The following ME2 variants were observed in gnomAD, a reference collection of about 807,000 sequenced individuals.
The protein encoded by ME2 is malic enzyme 2.
Under a neutral mutation model 73.7 loss-of-function variants are expected in ME2, and 60 were observed. The ratio of observed to expected loss-of-function variants is 0.81; its 90% CI spans 0.66 to 1.01. ME2 has a LOEUF of 1.01. Among genes scored for constraint, ME2 ranks in the 50% least tolerant of loss-of-function variants. ME2 has a pLI of 0.00. For missense variants in ME2, 594 were observed against 705.5 expected (o/e 0.84, Z 1.79); for synonymous variants, 199 against 236.9 (o/e 0.84, Z 1.47).
chr18:50,947,251 T>C lies in ME2; in HGVS notation c.*67T>C. On this transcript the variant is annotated 3_prime_UTR_variant, in exon 16 of 16. Transcript: ENST00000321341. ...CCTTTTTTCAGACAAGAAGAGATAA[T>C]GTCTTCAGTTTTATGGTGTTTTCTG... 6.7e-7 allele frequency: 1 copy of C among 1,486,414 alleles called. No individual in the cohort carries two copies. The highest frequency in any genetic ancestry group is 9.2e-7 in the Non-Finnish European group (1 of 1,089,510). The allele number at this position is 1,486,414 out of a possible 1,614,324, so 92.1% of individuals were successfully genotyped here. A position where few individuals can be genotyped will look rare whatever the true frequency, so the allele number is the denominator to read the frequency against.
At chr18:50,902,046 A>G (rs1000550532) in intron 2 of ME2, among the ~76,000 whole-genome samples, 4 of 152,234 alleles carry the variant, frequency 2.6e-5, no homozygotes, top group African/African-American at 9.6e-5. Context: ...AAATTCAAAT[A>G]TCCTAATGGA....
chr18:50,891,326 A>G lies in ME2; in HGVS notation c.-12-4483A>G, dbSNP rs149346736. On this transcript the variant is annotated intron_variant, in intron 1 of 15. Coordinates refer to ENST00000321341, the MANE Select transcript of ME2 (RefSeq NM_002396.5). ...GGTTAATCTGAACTACCAGACTACAAGGTGGAGTGGCCTTCTTTATAAATC... is the reference window on the plus strand; with the variant it reads ...GGTTAATCTGAACTACCAGACTACAGGGTGGAGTGGCCTTCTTTATAAATC... Among the ~76,000 whole-genome samples, 22 of 152,302 alleles carry G rather than the reference A, an allele frequency of 1.4e-4. No homozygotes were observed. In the East Asian group the frequency reaches 4.2e-3, roughly 29 times the overall value.
In ME2 at chr18:50,940,133, T is replaced by G. The variant is rs1485026481; in HGVS notation, c.1489-155T>G. On this transcript the variant is annotated intron_variant, in intron 14 of 15. Transcript: ENST00000321341. Reference sequence around the variant, plus strand: ...TATTTATTGTTTAGTGATGAACAGTTTTAATTTCTGCAGTGGTTTAAGTGT... The same window carrying G: ...TATTTATTGTTTAGTGATGAACAGTGTTAATTTCTGCAGTGGTTTAAGTGT... 4.8e-6 allele frequency: 3 copies of G among 621,706 alleles called. No individual in the cohort carries two copies. In the African/African-American group the frequency reaches 5.6e-5, roughly 12 times the overall value. The allele number at this position is 621,706 out of a possible 1,614,324, so 38.5% of individuals were successfully genotyped here. A position where few individuals can be genotyped will look rare whatever the true frequency, so the allele number is the denominator to read the frequency against.
In ME2 at chr18:50,949,645, C is replaced by T. The variant is rs911125783; in HGVS notation, c.*2461C>T. On this transcript the variant is annotated 3_prime_UTR_variant, in exon 16 of 16. Transcript: ENST00000321341. Reference sequence around the variant, plus strand: ...GCTTAGTGTTTATTGAAGGCAGGAACGTATGCTGAATTAAAGTAATTTTAC... The same window carrying T: ...GCTTAGTGTTTATTGAAGGCAGGAATGTATGCTGAATTAAAGTAATTTTAC... The T allele has an allele frequency of 2.6e-5, 4 of 152,014 alleles. No homozygotes were observed. Among genetic ancestry groups the T allele is most frequent in the Non-Finnish European group, 2.9e-5 (2 of 68,022 alleles). 9.4% of individuals were successfully genotyped at this position (152,014 alleles called of 1,614,324 possible).
chr18:50,920,838 G>C, intron 9 of ME2, 80 bp downstream of exon 9: 1 of 1,111,554 alleles, frequency 9.0e-7, no homozygotes, highest in Non-Finnish European at 1.3e-6. Context: ...TGATGTTTAT[G>C]AAAGAGCATA....
chr18:50,893,275 A>G (rs1007668591), intron 1 of ME2, among the ~76,000 whole-genome samples: 22 of 152,168 alleles, frequency 1.4e-4, no homozygotes, highest in Non-Finnish European at 2.9e-4. Flanking sequence ...AAGCATCAAG[A>G]TGGTAGCATA....
intron 7 of ME2, among the ~76,000 whole-genome samples, chr18:50,918,439 G>T (rs1048932248): frequency 2.6e-5 from 4 of 152,150 alleles, no homozygotes; most frequent in African/African-American, 9.7e-5. Flanking sequence ...CTGACATTTT[G>T]AGGGAAGTCT....
intron 1 of ME2, among the ~76,000 whole-genome samples, chr18:50,884,846 G>A (rs1044415241): frequency 1.4e-4 from 1 of 7,058 alleles, no homozygotes; most frequent in South Asian, 0.017. Context: ...GTGTGTTTGT[G>A]TGTGTGTGTG....
chr18:50,944,795 T>C (rs948666782), intron 15 of ME2, among the ~76,000 whole-genome samples: 7 of 152,020 alleles, frequency 4.6e-5, no homozygotes, highest in Non-Finnish European at 8.8e-5. Context: ...CAAGTGAGAG[T>C]TTCTGTGTCT....
At chr18:50,907,285 G>A (rs142109204) in intron 2 of ME2, among the ~76,000 whole-genome samples, 12 of 152,286 alleles carry the variant, frequency 7.9e-5, no homozygotes, top group Non-Finnish European at 1.8e-4. Flanking sequence ...CATAGTAATT[G>A]TGAGGTGTTA....
At chr18:50,902,215 A>G (rs1215363744) in intron 2 of ME2, among the ~76,000 whole-genome samples, 2 of 152,198 alleles carry the variant, frequency 1.3e-5, no homozygotes, top group Non-Finnish European at 1.5e-5. Flanking sequence ...ATTTAAGGAC[A>G]TGCTCAAGCT....
At chr18:50,919,715 A>G (rs1917376064) in intron 7 of ME2, among the ~76,000 whole-genome samples, 1 of 151,994 alleles carries the variant, frequency 6.6e-6, no homozygotes, top group Non-Finnish European at 1.5e-5. Flanking sequence ...TGGCAGGTTT[A>G]TCCTTCCTAA....
intron 12 of ME2, among the ~76,000 whole-genome samples, chr18:50,926,655 C>A (rs1917559807): frequency 6.6e-6 from 1 of 152,098 alleles, no homozygotes; most frequent in Non-Finnish European, 1.5e-5. Context: ...AGAGATATAT[C>A]TCATTTATCT....
At position 50,902,715 on chromosome 18, in the gene ME2, T is replaced by C. The variant is rs1916921837; in HGVS notation, c.109-5348T>C. 2.0e-5 allele frequency among the ~76,000 whole-genome samples: 3 copies of C among 152,214 alleles called. 1 individual carries two copies. The South Asian group carries it at 6.2e-4, about 32-fold the overall frequency. The stretch of plus-strand genomic sequence containing the variant: ...CCTGGCCTCTATCATCTATTTTTAT[T>C]TGGCCATGATTCTCTTAAAAGTATA... On this transcript the variant is annotated intron_variant, in intron 2 of 15. Transcript: ENST00000321341.
At chr18:50,894,679 G>A (rs1371714403) in intron 1 of ME2, among the ~76,000 whole-genome samples, 6 of 151,682 alleles carry the variant, frequency 4.0e-5, no homozygotes, top group African/African-American at 1.5e-4. Flanking sequence ...GACCATCCTG[G>A]ACAACACAGT....
intron 1 of ME2, among the ~76,000 whole-genome samples, chr18:50,883,936 C>T (rs1916390842): frequency 6.6e-6 from 1 of 152,154 alleles, no homozygotes; most frequent in South Asian, 2.1e-4. Context: ...TCCCCACCTT[C>T]TTTTATTTCC....
At chr18:50,944,935 C>T (rs1265516686) in intron 15 of ME2, among the ~76,000 whole-genome samples, 1 of 152,136 alleles carries the variant, frequency 6.6e-6, no homozygotes, top group African/African-American at 2.4e-5. Flanking sequence ...ACGTGTTCAG[C>T]TCTCCAAGGT....
chr18:50,919,616 G>A (rs1458188152), intron 7 of ME2, among the ~76,000 whole-genome samples: 1 of 151,866 alleles, frequency 6.6e-6, no homozygotes, highest in Non-Finnish European at 1.5e-5. Flanking sequence ...TGCATCTTCT[G>A]CTTCAGATCT....
rs1293301497 is a variant in ME2 at position 50,917,506 on chromosome 18, A to G, written c.628A>G (p.Ile210Val). The G allele has an allele frequency of 1.3e-6, 2 of 1,569,794 alleles. No individual in the cohort carries two copies. Among genetic ancestry groups the G allele is most frequent in the Non-Finnish European group, 1.7e-6 (2 of 1,151,272 alleles). ...PVCIDVGTDN[I>V]ALLKDPFYMG... The stretch of plus-strand genomic sequence containing the variant: ...GTGTATTGATGTGGGAACTGATAAT[A>G]TCGTGAGTAACATCATTTTCCCCCT... Residue 210 changes from isoleucine to valine, a missense_variant and splice_region_variant, in exon 6 of 16, where the codon ATC (isoleucine) becomes GTC (valine). By Grantham distance (29) the Ile-to-Val change is conservative. Coordinates refer to ENST00000321341, the MANE Select transcript of ME2 (RefSeq NM_002396.5).
Sources: allele counts gnomAD v4.1 joint callset (sites outside exome capture counted in the v4.1 genomes callset), GRCh38; gene constraint gnomAD v4.1.1; transcripts MANE v1.5; gene names NCBI Gene and HGNC (gene_info 2026-07-23, HGNC 2026-07-21).